GRM8: variants seen among roughly 807,000 people sequenced by gnomAD.
GRM8 encodes the protein metabotropic glutamate receptor 8.
Under a neutral mutation model 87.2 loss-of-function variants are expected in GRM8, and 47 were observed. The ratio of observed to expected loss-of-function variants is 0.54; its 90% CI spans 0.43 to 0.69. The LOEUF is 0.69. GRM8 is among the 30% of genes least tolerant of loss of function. The probability of loss-of-function intolerance (pLI) is 0.00; values close to 1 mark genes in which losing one functional copy is unlikely to be tolerated. For missense variants in GRM8, 1,019 were observed against 1,139.2 expected, an observed-to-expected ratio of 0.89 and a Z score of 1.52; for synonymous variants, 396 against 404.5, an observed-to-expected ratio of 0.98 and a Z score of 0.25.
rs781134688 is a variant in GRM8 at position 126,739,518 on chromosome 7, C to T, written c.1357+30347G>A. On this transcript the variant is annotated intron_variant, in intron 7 of 10. Coordinates refer to ENST00000339582, the MANE Select transcript of GRM8 (RefSeq NM_000845.3). ...GCATCTTACATCTTTGATAAGACCACGGTGTTACGTTTAGTTACCTAATAT... is the reference window on the plus strand; with the variant it reads ...GCATCTTACATCTTTGATAAGACCATGGTGTTACGTTTAGTTACCTAATAT... 3.3e-5 allele frequency among the ~76,000 whole-genome samples: 5 copies of T among 152,004 alleles called. No homozygotes were observed. In the South Asian group the frequency reaches 8.3e-4, roughly 25 times the overall value.
chr7:126,987,611 C>T (rs1462642975), intron 3 of GRM8, among the ~76,000 whole-genome samples: 2 of 152,116 alleles, frequency 1.3e-5, no homozygotes, highest in African/African-American at 2.4e-5. Flanking sequence ...TAGGTGCCTG[C>T]CACCACGCCC....
At chr7:127,217,737 C>T (rs777532669) in intron 2 of GRM8, among the ~76,000 whole-genome samples, 4 of 152,328 alleles carry the variant, frequency 2.6e-5, no homozygotes, top group Non-Finnish European at 5.9e-5. Context: ...TTGGCCAGTA[C>T]TGGAACTGTA....
intron 2 of GRM8, among the ~76,000 whole-genome samples, chr7:127,177,711 G>A (rs929047297): frequency 2.6e-5 from 4 of 152,168 alleles, no homozygotes; most frequent in African/African-American, 9.7e-5. Context: ...GTCCAGAGCT[G>A]GGCAGTCTCA....
At chr7:126,481,677 G>GA (rs1584767893) in intron 9 of GRM8, among the ~76,000 whole-genome samples, 2 of 151,916 alleles carry the variant, frequency 1.3e-5, no homozygotes, top group South Asian at 4.1e-4. Flanking sequence ...GTCACAGATT[G>GA]AAAAAAACCA....
At chr7:126,458,110 G>GA (rs1803467331) in intron 9 of GRM8, among the ~76,000 whole-genome samples, 3 of 148,606 alleles carry the variant, frequency 2.0e-5, no homozygotes, top group African/African-American at 2.4e-5. Flanking sequence ...ACTATCAAAT[G>GA]AAAAAAAATG....
intron 3 of GRM8, among the ~76,000 whole-genome samples, chr7:126,990,617 C>T (rs968321794): frequency 6.6e-6 from 1 of 152,192 alleles, no homozygotes; most frequent in East Asian, 1.9e-4. Context: ...AATGGAGATG[C>T]TACTTAAGAC....
intron 7 of GRM8, among the ~76,000 whole-genome samples, chr7:126,669,980 A>C (rs550297784): frequency 5.9e-5 from 9 of 152,328 alleles, no homozygotes; most frequent in African/African-American, 2.2e-4. Context: ...ACTTCAAAAA[A>C]GGGTATTATA....
chr7:126,613,311 T>C (rs547745066), intron 7 of GRM8, among the ~76,000 whole-genome samples: 232 of 152,268 alleles, frequency 1.5e-3, no homozygotes, highest in African/African-American at 5.4e-3. Context: ...CAAAAAAATT[T>C]CAAATGACAA....
intron 2 of GRM8, among the ~76,000 whole-genome samples, chr7:127,173,495 G>A (rs184564483): frequency 6.6e-6 from 1 of 152,210 alleles, no homozygotes; most frequent in Admixed American, 6.5e-5. Context: ...AATTAGAGAG[G>A]TCAGGAGGAT....
intron 3 of GRM8, among the ~76,000 whole-genome samples, chr7:126,928,411 C>A (rs544669404): frequency 1.1e-4 from 16 of 152,230 alleles, no homozygotes; most frequent in African/African-American, 3.4e-4. Flanking sequence ...GTAACTCACA[C>A]CTGTAATCCT....
At chr7:126,761,117 G>C (rs568201857) in intron 7 of GRM8, among the ~76,000 whole-genome samples, 215 of 152,090 alleles carry the variant, frequency 1.4e-3, no homozygotes, top group African/African-American at 4.8e-3. Context: ...AGAATTGCTT[G>C]AACTCAGGAG....
chr7:126,564,280 T>G (rs995395541), intron 8 of GRM8, among the ~76,000 whole-genome samples: 1 of 152,196 alleles, frequency 6.6e-6, no homozygotes, highest in Non-Finnish European at 1.5e-5. Flanking sequence ...AAGAAGATGC[T>G]AGTTGAAGCT....
At chr7:126,729,397 A>G (rs922313679) in intron 7 of GRM8, among the ~76,000 whole-genome samples, 59 of 152,148 alleles carry the variant, frequency 3.9e-4, no homozygotes, top group Non-Finnish European at 1.5e-4. Flanking sequence ...GAAGATAACT[A>G]TCTCAGCTTC....
intron 7 of GRM8, among the ~76,000 whole-genome samples, chr7:126,670,845 C>T (rs192673667): frequency 3.1e-4 from 47 of 152,208 alleles, no homozygotes; most frequent in African/African-American, 8.4e-4. Context: ...GAACTATTTA[C>T]GACCTTTAAT....
intron 6 of GRM8, chr7:126,869,023 G>A (rs2130881466): frequency 1.3e-5 from 2 of 152,250 alleles, no homozygotes; most frequent in Middle Eastern, 6.8e-3. Flanking sequence ...CTCAAATCTT[G>A]CCACTGCTTT....
chr7:126,470,379 C>A (rs1805039144), intron 9 of GRM8, among the ~76,000 whole-genome samples: 2 of 135,436 alleles, frequency 1.5e-5, no homozygotes, highest in Non-Finnish European at 3.1e-5. Context: ...TGTGAGGTTC[C>A]CCTTCCTGTG....
chr7:127,068,775 T>C (rs1821389095), intron 3 of GRM8, among the ~76,000 whole-genome samples: 1 of 152,182 alleles, frequency 6.6e-6, no homozygotes, highest in South Asian at 2.1e-4. Context: ...AGGAGGAATA[T>C]GGGAATAAAA....
At chr7:126,680,671 ATCATT>A (rs1435977335) in intron 7 of GRM8, among the ~76,000 whole-genome samples, 4 of 152,208 alleles carry the variant, frequency 2.6e-5, no homozygotes, top group African/African-American at 4.8e-5. Context: ...TAACCATTTT[ATCATT>A]GTCTATCTGC....
intron 9 of GRM8, among the ~76,000 whole-genome samples, chr7:126,453,342 C>T (rs1451042043): frequency 6.6e-6 from 1 of 151,660 alleles, no homozygotes; most frequent in South Asian, 2.1e-4. Flanking sequence ...GTCTGTAATC[C>T]ATTTGCAGTC....
Sources: gnomAD v4.1 joint callset for allele counts (sites outside exome capture counted in the v4.1 genomes callset) on GRCh38, gnomAD v4.1.1 for gene constraint, MANE v1.5 for transcripts, NCBI Gene and HGNC (gene_info 2026-07-23, HGNC 2026-07-21) for gene names.